PLEKHA7: variants seen among roughly 807,000 people sequenced by gnomAD.
PLEKHA7 encodes pleckstrin homology domain containing A7, also known as pleckstrin homology domain-containing family A member 7.
A neutral mutation model predicts 170.0 loss-of-function variants in PLEKHA7; 104 were observed. That is an observed-to-expected ratio of 0.61 (90% CI 0.52 to 0.72). The LOEUF is 0.72. Ranked by LOEUF, PLEKHA7 falls within the 30% of genes least tolerant of loss-of-function variation. The pLI, the probability that PLEKHA7 is intolerant of heterozygous loss-of-function variation, is 0.00. For missense variants in PLEKHA7, 1,615 were observed against 1,671.7 expected, an observed-to-expected ratio of 0.97 and a Z score of 0.59; for synonymous variants, 648 against 660.8, an observed-to-expected ratio of 0.98 and a Z score of 0.30.
chr11:16,789,107 C>G lies in PLEKHA7; in HGVS notation c.3346G>C (p.Asp1116His), dbSNP rs759926818. The change falls in exon 23 of 27, where the codon GAT becomes CAT. Residue 1116 changes from aspartate (D) to histidine (H), a missense_variant. Physicochemically the swap from Asp to His is moderately conservative, Grantham distance 81. Transcript: ENST00000531066. The surrounding 1 kb of genome is among the most constrained non-coding windows in gnomAD (Gnocchi z 4.6). ...SRYLSRPLPG[D>H]LGSWKREQDF... is the part of the protein sequence containing the mutation. ...CCCTCCTAACATACTGAGCCAAGAT[C>G]TCCAGGGAGCGGCCGGCTGAGGTAG... is the stretch of plus-strand genomic sequence containing the variant. 1.2e-6 allele frequency: 2 copies of G among 1,603,818 alleles called. No homozygotes were observed. Among genetic ancestry groups the G allele is most frequent in the South Asian group, 2.2e-5 (2 of 91,044 alleles).
In PLEKHA7 at chr11:16,791,935, G is replaced by A. The variant is rs778520636; in HGVS notation, c.2746-736C>T. Among the ~76,000 whole-genome samples the A allele has an allele frequency of 6.6e-6, 1 of 152,076 alleles. No homozygotes were observed. The highest frequency in any genetic ancestry group is 2.4e-5 in the African/African-American group (1 of 41,392). ...CCCTGGTTGCCATGAACACCCACTC[G>A]CAGGACTAACGACCATCATGCCTTC... On this transcript the variant is annotated intron_variant, in intron 19 of 26. Transcript: ENST00000531066. The surrounding 1 kb of genome is among the most constrained non-coding windows in gnomAD (Gnocchi z 4.5).
At chr11:16,835,424 G>A (rs1458343968) in intron 9 of PLEKHA7, among the ~76,000 whole-genome samples, 2 of 152,184 alleles carry the variant, frequency 1.3e-5, no homozygotes, top group African/African-American at 2.4e-5. Flanking sequence ...ACACTGCTAG[G>A]AGATGAGTAC....
intron 3 of PLEKHA7, among the ~76,000 whole-genome samples, chr11:16,951,175 G>A (rs141205451): frequency 3.3e-5 from 5 of 152,252 alleles, no homozygotes; most frequent in South Asian, 2.1e-4. Flanking sequence ...GTAGCATTAC[G>A]TATCTTACCC....
rs200759471 is a variant in PLEKHA7, at chr11:16,982,227, A to G, written c.221+31762T>C. Among the ~76,000 whole-genome samples the G allele has an allele frequency of 3.9e-5, 6 of 152,392 alleles. No homozygotes were observed. In the East Asian group the frequency reaches 1.2e-3, roughly 29 times the overall value. Reference sequence around the variant, plus strand: ...GGAAGGGCCCCAAGCCCCTTTACAAAAGCTTTATGCCCAAAGAATTTGGCC... The same window carrying G: ...GGAAGGGCCCCAAGCCCCTTTACAAGAGCTTTATGCCCAAAGAATTTGGCC... On this transcript the variant is annotated intron_variant, in intron 3 of 26. Coordinates refer to ENST00000531066, the MANE Select transcript of PLEKHA7 (RefSeq NM_001329630.2).
chr11:16,851,714 G>A (rs780923378), intron 7 of PLEKHA7, among the ~76,000 whole-genome samples: 1 of 152,036 alleles, frequency 6.6e-6, no homozygotes, highest in Non-Finnish European at 1.5e-5. Flanking sequence ...CTCCCAAAGT[G>A]TTGGGATTAC....
At chr11:16,797,857 A>C (rs1014400547) in intron 17 of PLEKHA7, among the ~76,000 whole-genome samples, 1 of 152,104 alleles carries the variant, frequency 6.6e-6, no homozygotes, top group Non-Finnish European at 1.5e-5. Context: ...TGCCCCCCTG[A>C]TGCCTTTCTG....
chr11:16,799,695 T>G (rs1478836305), intron 17 of PLEKHA7, among the ~76,000 whole-genome samples: 1 of 152,214 alleles, frequency 6.6e-6, no homozygotes, highest in Non-Finnish European at 1.5e-5. Context: ...CACCTAGTAT[T>G]TTCAAGTCAT....
At chr11:16,829,533 T>G (rs973148016) in intron 9 of PLEKHA7, among the ~76,000 whole-genome samples, 17 of 152,260 alleles carry the variant, frequency 1.1e-4, no homozygotes, top group African/African-American at 4.1e-4. Flanking sequence ...CCGGGTGCAG[T>G]GGCGTGCCAA....
intron 3 of PLEKHA7, among the ~76,000 whole-genome samples, chr11:16,890,388 T>C (rs911915764): frequency 6.6e-6 from 1 of 152,158 alleles, no homozygotes; most frequent in Non-Finnish European, 1.5e-5. Flanking sequence ...AACCACATGC[T>C]GCATACAAAA....
chr11:16,879,892 C>T (rs1007487796), intron 3 of PLEKHA7, among the ~76,000 whole-genome samples: 1 of 152,202 alleles, frequency 6.6e-6, no homozygotes, highest in Non-Finnish European at 1.5e-5. Flanking sequence ...CTGACTGAGT[C>T]ACCAACACCG....
At chr11:16,917,290 G>A (rs1858758343) in intron 3 of PLEKHA7, among the ~76,000 whole-genome samples, 1 of 152,206 alleles carries the variant, frequency 6.6e-6, no homozygotes, top group African/African-American at 2.4e-5. Flanking sequence ...CTGCTTGAAG[G>A]CAGAGATATG....
intron 3 of PLEKHA7, among the ~76,000 whole-genome samples, chr11:16,923,296 T>A (rs976001530): frequency 6.6e-6 from 1 of 152,132 alleles, no homozygotes; most frequent in Non-Finnish European, 1.5e-5. Flanking sequence ...AAGGCCATCT[T>A]CAAATCCTCA....
intron 4 of PLEKHA7, among the ~76,000 whole-genome samples, chr11:16,861,173 T>C (rs1365719370): frequency 1.3e-5 from 2 of 152,096 alleles, no homozygotes; most frequent in Non-Finnish European, 2.9e-5. Context: ...TAAAGCACAG[T>C]AATTCTGTGT....
chr11:16,840,152 G>C (rs1423397715), intron 9 of PLEKHA7, among the ~76,000 whole-genome samples: 1 of 152,246 alleles, frequency 6.6e-6, no homozygotes, highest in Non-Finnish European at 1.5e-5. Flanking sequence ...TCCTAGGGCA[G>C]TCTTTGGTCC....
At chr11:16,977,503 T>C (rs1218046320) in intron 3 of PLEKHA7, among the ~76,000 whole-genome samples, 1 of 152,204 alleles carries the variant, frequency 6.6e-6, no homozygotes, top group Non-Finnish European at 1.5e-5. Context: ...GTGTATTTCT[T>C]TAGGTAAGAA....
intron 3 of PLEKHA7, among the ~76,000 whole-genome samples, chr11:16,977,794 G>C (rs1044649410): frequency 6.6e-6 from 1 of 152,052 alleles, no homozygotes; most frequent in Non-Finnish European, 1.5e-5. Flanking sequence ...TCAAATCCTC[G>C]CTTTGTCAGT....
chr11:16,836,735 C>T lies in PLEKHA7; in HGVS notation c.872+4812G>A, dbSNP rs144266975. ...AACTTATGGAGAAATGCTATTATGT[C>T]TTTATTGTGACTCAGAAGCTGGAAA... On this transcript the variant is annotated intron_variant, in intron 9 of 26. Transcript: ENST00000531066. 3.2e-3 allele frequency among the ~76,000 whole-genome samples: 489 copies of T among 151,376 alleles called. 2 individuals are homozygous for T. Among genetic ancestry groups the T allele is most frequent in the Non-Finnish European group, 3.8e-3 (261 of 67,894 alleles).
chr11:16,982,841 A>AGT (rs955613941), intron 3 of PLEKHA7, among the ~76,000 whole-genome samples: 2 of 151,730 alleles, frequency 1.3e-5, no homozygotes, highest in African/African-American at 4.8e-5. Flanking sequence ...AGGGAGAGAG[A>AGT]GAGAGAGAAA....
At chr11:16,929,958 T>G (rs1187135531) in intron 3 of PLEKHA7, among the ~76,000 whole-genome samples, 1 of 151,808 alleles carries the variant, frequency 6.6e-6, no homozygotes, top group African/African-American at 2.4e-5. Context: ...GAGCTGAGAT[T>G]GCGCCACTGC....
Sources: allele counts gnomAD v4.1 joint callset (sites outside exome capture counted in the v4.1 genomes callset), GRCh38; gene constraint gnomAD v4.1.1; non-coding constraint Gnocchi (gnomAD v3.1); transcripts MANE v1.5; gene names NCBI Gene and HGNC (gene_info 2026-07-23, HGNC 2026-07-21).